The following KCNIP3 variants were observed in gnomAD, a reference collection of about 807,000 sequenced individuals.
The protein encoded by KCNIP3 is calsenilin.
Under a neutral mutation model 35.0 loss-of-function variants are expected in KCNIP3, and 28 were observed. That is an observed-to-expected ratio of 0.80 (90% CI 0.59 to 1.10). KCNIP3 has a LOEUF of 1.10. Ranked by LOEUF, KCNIP3 falls within the 50% of genes least tolerant of loss-of-function variation. The pLI is 0.00. For missense variants in KCNIP3, 295 were observed against 338.4 expected, an observed-to-expected ratio of 0.87 and a Z score of 1.01; for synonymous variants, 134 against 133.8, an observed-to-expected ratio of 1.00 and a Z score of -0.01.
At chr2:95,353,702 C>A (rs1177587126) in intron 2 of KCNIP3, among the ~76,000 whole-genome samples, 1 of 152,076 alleles carries the variant, frequency 6.6e-6, no homozygotes, top group Non-Finnish European at 1.5e-5. Flanking sequence ...TGCAGGCGGG[C>A]GAGCCTGGGT....
intron 2 of KCNIP3, among the ~76,000 whole-genome samples, chr2:95,342,731 G>C (rs1396519803): frequency 2.6e-5 from 4 of 152,136 alleles, no homozygotes; most frequent in African/African-American, 9.7e-5. Context: ...TTTTCCCCGG[G>C]GCCAGTCTCA....
intron 2 of KCNIP3, among the ~76,000 whole-genome samples, chr2:95,349,509 C>T (rs1215235636): frequency 1.3e-5 from 2 of 152,172 alleles, no homozygotes; most frequent in Non-Finnish European, 2.9e-5. Context: ...CCCATCAGTC[C>T]CTTTCCCTTG....
Position 95,378,357 on chromosome 2 carries a change from G to A in KCNIP3, c.447+3149G>A, listed in dbSNP as rs998224653. 2.0e-5 allele frequency among the ~76,000 whole-genome samples: 3 copies of A among 151,976 alleles called. No individual in the cohort carries two copies. The highest frequency in any genetic ancestry group is 7.2e-5 in the African/African-American group (3 of 41,394). On this transcript the variant is annotated intron_variant, in intron 5 of 8. Transcript: ENST00000295225. The surrounding 1 kb of genome is among the most constrained non-coding windows in gnomAD (Gnocchi z 4.0). ...TGTCCAGGCTAGTCTTGAAATCCTG[G>A]CCTCAAGCAATTCTCCTGTCTCAGC...
rs142922736 is a variant in KCNIP3 at position 95,340,582 on chromosome 2, G to A, written c.181+30062G>A. On this transcript the variant is annotated intron_variant, in intron 2 of 8. Coordinates refer to ENST00000295225, the MANE Select transcript of KCNIP3 (RefSeq NM_013434.5). The stretch of plus-strand genomic sequence containing the variant: ...CCTCTTTTCTGTTGCCAGCAATTTC[G>A]GCATGGCATGTGACACAATCGTAGC... Among the ~76,000 whole-genome samples, 340 of 152,306 alleles carry A rather than the reference G, an allele frequency of 2.2e-3. 3 individuals are homozygous for A. Among genetic ancestry groups the A allele is most frequent in the African/African-American group, 7.8e-3 (324 of 41,568 alleles).
chr2:95,362,716 A>G (rs1310080500), intron 2 of KCNIP3, among the ~76,000 whole-genome samples: 1 of 152,146 alleles, frequency 6.6e-6, no homozygotes, highest in Non-Finnish European at 1.5e-5. Context: ...AGCTGTAGAT[A>G]CAGATGAAGC....
intron 2 of KCNIP3, among the ~76,000 whole-genome samples, chr2:95,325,831 T>G (rs1360875586): frequency 3.6e-5 from 3 of 83,670 alleles, no homozygotes; most frequent in African/African-American, 1.6e-4. Context: ...ACACATACAC[T>G]CATACACACT....
chr2:95,325,934 TACAC>T (rs1558763856), intron 2 of KCNIP3, among the ~76,000 whole-genome samples: 2 of 143,772 alleles, frequency 1.4e-5, no homozygotes, highest in Non-Finnish European at 1.5e-5. Context: ...CTCATACACA[TACAC>T]ATACACACTC....
chr2:95,332,400 G>T (rs1051276199), intron 2 of KCNIP3, among the ~76,000 whole-genome samples: 1 of 152,254 alleles, frequency 6.6e-6, no homozygotes, highest in African/African-American at 2.4e-5. Context: ...GATGACCTGA[G>T]GTCAGGAGTT....
At chr2:95,367,352 G>T (rs1294325075) in intron 2 of KCNIP3, among the ~76,000 whole-genome samples, 1 of 152,082 alleles carries the variant, frequency 6.6e-6, no homozygotes, top group African/African-American at 2.4e-5. Context: ...AGCTATTCTA[G>T]TTCCTCTGTC....
intron 2 of KCNIP3, among the ~76,000 whole-genome samples, chr2:95,353,525 C>T (rs776822171): frequency 2.0e-4 from 30 of 152,204 alleles, no homozygotes; most frequent in Non-Finnish European, 1.5e-4. Flanking sequence ...GACTTCTCTA[C>T]GTTTAACCTC....
intron 2 of KCNIP3, among the ~76,000 whole-genome samples, chr2:95,351,137 C>T (rs952644023): frequency 9.9e-5 from 15 of 152,258 alleles, no homozygotes; most frequent in Admixed American, 9.2e-4. Context: ...TCTCTCTTCC[C>T]CAGCTCCAGG....
chr2:95,321,894 C>G (rs1402485422), intron 2 of KCNIP3, among the ~76,000 whole-genome samples: 1 of 152,106 alleles, frequency 6.6e-6, no homozygotes, highest in Non-Finnish European at 1.5e-5. Context: ...AGAGTCAGAT[C>G]CCCTGACCGC....
intron 1 of KCNIP3, among the ~76,000 whole-genome samples, chr2:95,309,546 C>G (rs1472012340): frequency 6.6e-6 from 1 of 151,898 alleles, no homozygotes; most frequent in Non-Finnish European, 1.5e-5. Flanking sequence ...GCTTCAACCT[C>G]CTGAGTAGCT....
rs529786238 is a variant in KCNIP3, at chr2:95,314,946, C to T, written c.181+4426C>T. Among the ~76,000 whole-genome samples the T allele has an allele frequency of 1.7e-4, 26 of 152,278 alleles. No individual in the cohort carries two copies. In the East Asian group the frequency reaches 4.5e-3, roughly 26 times the overall value. ...CACCCGACAGGGCAGCCCTGGAACC[C>T]GCAACGGCTGCCAGAACCAGTCTTC... is the stretch of plus-strand genomic sequence containing the variant. On this transcript the variant is annotated intron_variant, in intron 2 of 8. Coordinates refer to ENST00000295225, the MANE Select transcript of KCNIP3 (RefSeq NM_013434.5).
chr2:95,367,855 A>G (rs1436415366), intron 2 of KCNIP3, among the ~76,000 whole-genome samples: 1 of 145,760 alleles, frequency 6.9e-6, no homozygotes, highest in African/African-American at 2.6e-5. Flanking sequence ...TCTGCCTCCC[A>G]GGTTCAAGCG....
intron 2 of KCNIP3, among the ~76,000 whole-genome samples, chr2:95,340,057 G>A (rs751512862): frequency 6.6e-6 from 1 of 152,194 alleles, no homozygotes; most frequent in Non-Finnish European, 1.5e-5. Flanking sequence ...TCCGTCCCAG[G>A]CTGGGCACGG....
At chr2:95,347,211 T>A (rs539605460) in intron 2 of KCNIP3, 18 of 1,194,412 alleles carry the variant, frequency 1.5e-5, no homozygotes, top group Admixed American at 8.4e-5. Flanking sequence ...CGGGGTGCAC[T>A]GGTCTGGCGA....
intron 2 of KCNIP3, among the ~76,000 whole-genome samples, chr2:95,326,122 C>G (rs1363101847): frequency 6.6e-6 from 1 of 151,978 alleles, no homozygotes; most frequent in African/African-American, 2.4e-5. Context: ...CACATACACG[C>G]ACACTTATAA....
At chr2:95,358,691 G>T (rs1284443888) in intron 2 of KCNIP3, among the ~76,000 whole-genome samples, 1 of 152,228 alleles carries the variant, frequency 6.6e-6, no homozygotes, top group Non-Finnish European at 1.5e-5. Flanking sequence ...TCATAACATG[G>T]CGGAAAGCAT....
Sources: allele counts gnomAD v4.1 joint callset (sites outside exome capture counted in the v4.1 genomes callset), GRCh38; gene constraint gnomAD v4.1.1; non-coding constraint Gnocchi (gnomAD v3.1); transcripts MANE v1.5; gene names NCBI Gene and HGNC (gene_info 2026-07-23, HGNC 2026-07-21).